BCAR1: variants seen among roughly 807,000 people sequenced by gnomAD.
The protein encoded by BCAR1 is BCAR1 scaffold protein, Cas family member, also known as breast cancer anti-estrogen resistance protein 1.
Under a neutral mutation model 67.6 loss-of-function variants are expected in BCAR1, and 30 were observed. That is an observed-to-expected ratio of 0.44 (90% CI 0.33 to 0.60). BCAR1 has a LOEUF of 0.60. Ranked by LOEUF, BCAR1 falls within the 20% of genes least tolerant of loss-of-function variation. The probability of loss-of-function intolerance (pLI) is 0.02; values close to 1 mark genes in which losing one functional copy is unlikely to be tolerated. For missense variants in BCAR1, 1,313 were observed against 1,222.3 expected (o/e 1.07, Z -1.11); for synonymous variants, 626 against 556.7 (o/e 1.12, Z -1.75).
intron 1 of BCAR1, chr16:75,264,157 G>A: frequency 7.6e-7 from 1 of 1,319,370 alleles, no homozygotes. Flanking sequence ...TTACAGATGA[G>A]GCACAGTGCC....
intron 5 of BCAR1, 148 bp downstream of exon 5, chr16:75,234,741 G>T: frequency 1.6e-6 from 2 of 1,247,914 alleles, no homozygotes; most frequent in Non-Finnish European, 2.2e-6. Context: ...CCTAGCACAT[G>T]GGGCCAATGT....
intron 1 of BCAR1, chr16:75,248,622 G>T: frequency 5.7e-6 from 1 of 175,254 alleles, no homozygotes; most frequent in Non-Finnish European, 1.2e-5. Flanking sequence ...CAACAACAGG[G>T]TGGCCAGGGT....
chr16:75,236,952 T>C lies in BCAR1; in HGVS notation c.842A>G (p.Asp281Gly), dbSNP rs1391327773. ...CACGTCATACACCTCCAGCAACGGG[T>C]CTCGGCCATTGGGACCCTTGACAGC... ...PMAVKGPNGR[D>G]PLLEVYDVPP... The change falls in exon 4 of 7, where the codon GAC becomes GGC. Residue 281 changes from aspartate (D) to glycine (G), a missense_variant. Around this residue, in one of 2 missense-constraint regions of BCAR1, gnomAD observed 1,272 missense variants for 1,137.5 expected, o/e 1.12. Transcript: ENST00000162330. The C allele has an allele frequency of 1.9e-6, 3 of 1,611,490 alleles. No homozygotes were observed. The African/African-American group carries it at 4.0e-5, about 22-fold the overall frequency.
intron 2 of BCAR1, among the ~76,000 whole-genome samples, chr16:75,241,153 T>G (rs532892710): frequency 1.3e-5 from 2 of 152,306 alleles, no homozygotes; most frequent in South Asian, 4.1e-4. Context: ...CGTGTCTGTG[T>G]GTGGGGTGAG....
At chr16:75,253,461 T>C (rs971212544), upstream of BCAR1, among the ~76,000 whole-genome samples, 6 of 152,158 alleles carry the variant, frequency 3.9e-5, no homozygotes, top group South Asian at 2.1e-4. Flanking sequence ...TCCATCCTAG[T>C]TGGCCAAGGA....
chr16:75,255,077 G>C (rs138487161), upstream of BCAR1, among the ~76,000 whole-genome samples: 2 of 152,202 alleles, frequency 1.3e-5, no homozygotes, highest in Non-Finnish European at 2.9e-5. Flanking sequence ...CTAGGGGACC[G>C]GTGAGACAAA....
chr16:75,234,780 G>C, intron 5 of BCAR1, 109 bp downstream of exon 5: 1 of 1,446,828 alleles, frequency 6.9e-7, no homozygotes, highest in Non-Finnish European at 9.2e-7. Context: ...GTGAGAGGAG[G>C]GTGCAGGGCC....
At chr16:75,259,049 G>C (rs1220166405) in intron 1 of BCAR1, among the ~76,000 whole-genome samples, 1 of 152,206 alleles carries the variant, frequency 6.6e-6, no homozygotes, top group African/African-American at 2.4e-5. Context: ...AGGACTTCTG[G>C]AGTGGTCACA....
At chr16:75,238,548 G>T (rs1170872133) in intron 2 of BCAR1, 2 of 990,270 alleles carry the variant, frequency 2.0e-6, no homozygotes, top group African/African-American at 3.5e-5. Flanking sequence ...TGAGCATGGG[G>T]GTGGCAGAGG....
At chr16:75,230,280 G>T (rs1306868680) in intron 6 of BCAR1, among the ~76,000 whole-genome samples, 2 of 152,178 alleles carry the variant, frequency 1.3e-5, no homozygotes, top group Non-Finnish European at 2.9e-5. Context: ...GAAATGACAA[G>T]ATGGACAACA....
intron 1 of BCAR1, among the ~76,000 whole-genome samples, chr16:75,250,377 G>A (rs556815904): frequency 1.1e-4 from 17 of 152,196 alleles, no homozygotes; most frequent in Non-Finnish European, 2.2e-4. Context: ...TCTCCACCGA[G>A]GGAAAGGAAT....
intron 1 of BCAR1, chr16:75,250,814 G>A (rs1327922467): frequency 4.1e-5 from 40 of 985,436 alleles, no homozygotes; most frequent in Non-Finnish European, 6.0e-6. Context: ...ACACTCGCGT[G>A]CGGCTAGGAC....
chr16:75,232,706 G>A (rs971039312), intron 6 of BCAR1, among the ~76,000 whole-genome samples: 11 of 152,142 alleles, frequency 7.2e-5, no homozygotes, highest in African/African-American at 1.9e-4. Flanking sequence ...CCCTGCCACC[G>A]TTCTGAGATG....
chr16:75,265,980 G>A (rs2078002351), intron 1 of BCAR1: 2 of 1,054,986 alleles, frequency 1.9e-6, no homozygotes, highest in Non-Finnish European at 2.3e-6. Context: ...ACGCCGGACT[G>A]TCCGGCCGCT....
chr16:75,233,158 G>C (rs2076959979), intron 6 of BCAR1, among the ~76,000 whole-genome samples: 1 of 152,174 alleles, frequency 6.6e-6, no homozygotes, highest in Non-Finnish European at 1.5e-5. Flanking sequence ...GATCGTTTGA[G>C]CCCAGGTGTT....
chr16:75,237,098 G>A, intron 3 of BCAR1, 85 bp downstream of exon 3: 1 of 1,507,974 alleles, frequency 6.6e-7, no homozygotes, highest in Non-Finnish European at 8.9e-7. Flanking sequence ...GGCCGGGGCT[G>A]AGAAGATGCA....
chr16:75,266,935 ATC>A, intron 1 of BCAR1: 1 of 275,066 alleles, frequency 3.6e-6, no homozygotes, highest in Non-Finnish European at 5.5e-6. Flanking sequence ...TGCCTAGGGA[ATC>A]TCTGTGTGGG....
intron 1 of BCAR1, among the ~76,000 whole-genome samples, chr16:75,245,678 G>A (rs1435438996): frequency 6.6e-6 from 1 of 152,214 alleles, no homozygotes; most frequent in Non-Finnish European, 1.5e-5. Flanking sequence ...CGTGGCACCA[G>A]GCGCCTGGCA....
At chr16:75,230,663 G>A (rs2076871835) in intron 6 of BCAR1, among the ~76,000 whole-genome samples, 1 of 152,170 alleles carries the variant, frequency 6.6e-6, no homozygotes, top group Non-Finnish European at 1.5e-5. Flanking sequence ...CCTCACTAGA[G>A]CCGCTCTGGC....
Sources: gnomAD v4.1 joint callset for allele counts (sites outside exome capture counted in the v4.1 genomes callset) on GRCh38, gnomAD v4.1.1 for gene constraint, gnomAD v4.1.1 regional missense constraint, MANE v1.5 for transcripts, NCBI Gene and HGNC (gene_info 2026-07-23, HGNC 2026-07-21) for gene names.